The following ZW10 variants were observed in gnomAD, a reference collection of about 807,000 sequenced individuals.
ZW10 encodes zw10 kinetochore protein.
In ZW10, 53 loss-of-function variants were observed where a neutral mutation model predicts 87.8. The ratio of observed to expected loss-of-function variants is 0.60; its 90% CI spans 0.48 to 0.76. The LOEUF (loss-of-function observed/expected upper bound fraction) is 0.76, where lower values mean the gene tolerates loss of function less well. Ranked by LOEUF, ZW10 falls within the 30% of genes least tolerant of loss-of-function variation. ZW10 has a pLI of 0.00. For missense variants in ZW10, 837 were observed against 923.0 expected, an observed-to-expected ratio of 0.91 and a Z score of 1.21; for synonymous variants, 312 against 329.2, an observed-to-expected ratio of 0.95 and a Z score of 0.57.
intron 7 of ZW10, among the ~76,000 whole-genome samples, chr11:113,751,922 G>A (rs909161824): frequency 2.0e-5 from 3 of 151,296 alleles, no homozygotes; most frequent in East Asian, 1.9e-4. Flanking sequence ...ACTCCATCAC[G>A]TGATAGATAC....
intron 2 of ZW10, among the ~76,000 whole-genome samples, chr11:113,764,404 T>C (rs908414053): frequency 3.3e-5 from 5 of 152,220 alleles, no homozygotes; most frequent in Admixed American, 2.0e-4. Flanking sequence ...GGAATGTCAA[T>C]GGTAGTTTGA....
At position 113,748,340 on chromosome 11, in the gene ZW10, C is replaced by G; in HGVS notation, c.1006G>C (p.Glu336Gln). Reference sequence around the variant, plus strand: ...TTGATGAGGCACTCAGACAAGTCCTCCCAGATCATGTCTCCAAGCATCTCA... The same window carrying G: ...TTGATGAGGCACTCAGACAAGTCCTGCCAGATCATGTCTCCAAGCATCTCA... ...LAEMLGDMIW[E>Q]DLSECLIKNC... Residue 336 changes from glutamate to glutamine, a missense_variant, in exon 8 of 16, where the codon GAG becomes CAG. By Grantham distance (29) the Glu-to-Gln change is conservative. Transcript: ENST00000200135. The G allele has an allele frequency of 6.2e-7, 1 of 1,613,786 alleles. No individual in the cohort carries two copies. The highest frequency in any genetic ancestry group is 8.5e-7 in the Non-Finnish European group (1 of 1,179,838).
Position 113,736,783 on chromosome 11 carries a change from A to C in ZW10, c.2056T>G (p.Cys686Gly). 2 of 1,614,182 alleles carry C rather than the reference A, an allele frequency of 1.2e-6. No homozygotes were observed. The highest frequency in any genetic ancestry group is 1.7e-6 in the Non-Finnish European group (2 of 1,180,032). Residue 686 changes from cysteine to glycine, a missense_variant, in exon 15 of 16, where the codon TGC (cysteine) becomes GGC (glycine). Transcript: ENST00000200135. ...TEDGDRLYSL[C>G]KTVMDEGPQV... The stretch of plus-strand genomic sequence containing the variant: ...GGTCCTTCATCCATCACTGTTTTGC[A>C]TAAGGAATATAACCTATCACCATCT...
chr11:113,733,571 C>A lies in ZW10; in HGVS notation c.*123G>T. On this transcript the variant is annotated 3_prime_UTR_variant, in exon 16 of 16. Transcript: ENST00000200135. ...GAGGTAAGACGTTCTTCTGTAAAGT[C>A]AAACTTCCAAGATGTACTGGTTCAC... is the stretch of plus-strand genomic sequence containing the variant. 1 of 1,371,080 alleles carries A rather than the reference C, an allele frequency of 7.3e-7. No individual in the cohort carries two copies. Among genetic ancestry groups the A allele is most frequent in the South Asian group, 1.3e-5 (1 of 79,934 alleles). 84.9% of individuals were successfully genotyped at this position (1,371,080 alleles called of 1,614,324 possible).
intron 8 of ZW10, 42 bp downstream of exon 8, chr11:113,748,215 C>A: frequency 6.5e-7 from 1 of 1,527,606 alleles, no homozygotes; most frequent in South Asian, 1.3e-5. Flanking sequence ...CAATAAGAAA[C>A]AACAGTGTCT....
chr11:113,738,168 A>G (rs1259856772), intron 13 of ZW10, 96 bp downstream of exon 13: 1 of 1,364,220 alleles, frequency 7.3e-7, no homozygotes, highest in Non-Finnish European at 9.8e-7. Flanking sequence ...TCAACTGAAT[A>G]CTTGTTACAT....
Position 113,737,634 on chromosome 11 carries a change from C to A in ZW10, c.1954G>T (p.Ala652Ser), listed in dbSNP as rs1953568299. The A allele has an allele frequency of 1.2e-6, 2 of 1,613,538 alleles. No homozygotes were observed. The highest frequency in any genetic ancestry group is 3.3e-5 in the Admixed American group (2 of 59,990). The change falls in exon 14 of 16, where the codon GCT (alanine) becomes TCT (serine). Residue 652 changes from alanine to serine, a missense_variant. Coordinates refer to ENST00000200135, the MANE Select transcript of ZW10 (RefSeq NM_004724.4). ...DVLPVNIYCKAMGTLLNTAIS... is the reference protein window; with the variant it reads ...DVLPVNIYCKSMGTLLNTAIS... ...GCTGTATTGAGTAAAGTCCCCATAG[C>A]CTTGCAATATATATTCACTGGCAGG...
At chr11:113,757,261 A>C (rs908213526) in intron 7 of ZW10, among the ~76,000 whole-genome samples, 21 of 152,364 alleles carry the variant, frequency 1.4e-4, no homozygotes, top group Non-Finnish European at 2.5e-4. Context: ...CCTATGTTAA[A>C]CTAAGTTTGG....
chr11:113,755,401 G>A (rs950312253), intron 7 of ZW10, among the ~76,000 whole-genome samples: 9 of 152,194 alleles, frequency 5.9e-5, no homozygotes, highest in Admixed American at 5.9e-4. Context: ...AATGGCAAGA[G>A]AGCTAGAATC....
intron 1 of ZW10, chr11:113,771,337 G>C (rs1339639342): frequency 6.6e-6 from 1 of 152,296 alleles, no homozygotes; most frequent in Non-Finnish European, 1.5e-5. Flanking sequence ...GCTGAGGAAA[G>C]AAGACAGAAG....
At chr11:113,750,394 C>T (rs1953722788) in intron 7 of ZW10, among the ~76,000 whole-genome samples, 1 of 151,914 alleles carries the variant, frequency 6.6e-6, no homozygotes, top group African/African-American at 2.4e-5. Context: ...ACCTCCGCCT[C>T]CTGGGTTCAA....
rs555622256 is a variant in ZW10 at position 113,741,917 on chromosome 11, C to A, written c.1512-152G>T. 1,294 of 551,584 alleles carry A rather than the reference C, an allele frequency of 2.3e-3. 2 individuals are homozygous for A. Among genetic ancestry groups the A allele is most frequent in the Non-Finnish European group, 3.7e-3 (1,149 of 313,424 alleles). The allele number at this position is 551,584 out of a possible 1,614,324, so 34.2% of individuals were successfully genotyped here. A position where few individuals can be genotyped will look rare whatever the true frequency, so the allele number is the denominator to read the frequency against. ...TTGGTTGCTGGAAAACACCATTAATCTAGATGGAAATATAGTCTCAACCAG... is the reference window on the plus strand; with the variant it reads ...TTGGTTGCTGGAAAACACCATTAATATAGATGGAAATATAGTCTCAACCAG... On this transcript the variant is annotated intron_variant, in intron 10 of 15. Transcript: ENST00000200135.
chr11:113,737,134 C>G (rs1953563016), intron 14 of ZW10, among the ~76,000 whole-genome samples: 1 of 152,172 alleles, frequency 6.6e-6, no homozygotes, highest in South Asian at 2.1e-4. Flanking sequence ...TTTAGTCAAT[C>G]TATGATTTAG....
At chr11:113,769,878 G>T in intron 1 of ZW10, 2 of 326,702 alleles carry the variant, frequency 6.1e-6, no homozygotes. Context: ...CTGATGATGT[G>T]CCCATCCACC....
rs373814579 is a variant in ZW10, at chr11:113,743,909, G to A, written c.1404C>T (p.Asp468=). Residue 468 remains aspartate, a synonymous_variant, in exon 10 of 16, where the codon GAC becomes GAT. Coordinates refer to ENST00000200135, the MANE Select transcript of ZW10 (RefSeq NM_004724.4). ...ATGTGGGCAAGGAAAAGGAATGTTG[G>A]TCCAATGTATTTTCAGGCTCTAAAT... ...VMNLEPENTL[D]QHSFSLPTCR... 2 of 1,614,000 alleles carry A rather than the reference G, an allele frequency of 1.2e-6. No individual in the cohort carries two copies. The highest frequency in any genetic ancestry group is 1.7e-6 in the Non-Finnish European group (2 of 1,180,026).
intron 12 of ZW10, among the ~76,000 whole-genome samples, chr11:113,739,007 A>G (rs908787321): frequency 1.2e-4 from 19 of 152,182 alleles, no homozygotes; most frequent in Non-Finnish European, 1.5e-5. Context: ...CATGTTACAA[A>G]AAAGTAAAAA....
At position 113,738,284 on chromosome 11, in the gene ZW10, C is replaced by T. The variant is rs1286798085; in HGVS notation, c.1864G>A (p.Ala622Thr). 1.4e-5 allele frequency: 22 copies of T among 1,611,170 alleles called. No individual in the cohort carries two copies. Among genetic ancestry groups the T allele is most frequent in the Non-Finnish European group, 1.9e-5 (22 of 1,178,780 alleles). Residue 622 changes from alanine (A) to threonine (T), a missense_variant, in exon 13 of 16, where the codon GCA becomes ACA. Transcript: ENST00000200135. ...NMDDEENYSAASKAVRQVLHQ... is the reference protein window; with the variant it reads ...NMDDEENYSATSKAVRQVLHQ... ...CCTACCTGCCGGACTGCTTTACTTG[C>T]TGCAGAATAATTCTCTTCATCGTCC...
rs779994949 is a variant in ZW10 at position 113,739,328 on chromosome 11, C to T, written c.1638G>A (p.Met546Ile). The T allele has an allele frequency of 6.8e-6, 11 of 1,611,860 alleles. No homozygotes were observed. Among genetic ancestry groups the T allele is most frequent in the Admixed American group, 5.0e-5 (3 of 59,724 alleles). ...GGGTCAGCAAGTGGTGAGCAATGTA[C>T]ATACAGTTGTTGTGATGAATAGCAG... Reference protein sequence around the residue: ...QLAAIHHNNCMYIAHHLLTLG... With the variant: ...QLAAIHHNNCIYIAHHLLTLG... The change falls in exon 12 of 16, where the codon ATG becomes ATA. Residue 546 changes from methionine (M) to isoleucine (I), a missense_variant. Coordinates refer to ENST00000200135, the MANE Select transcript of ZW10 (RefSeq NM_004724.4).
At chr11:113,754,056 C>A (rs1016330397) in intron 7 of ZW10, among the ~76,000 whole-genome samples, 2 of 130,160 alleles carry the variant, frequency 1.5e-5, no homozygotes, top group African/African-American at 5.0e-5. Flanking sequence ...GAAGAATATG[C>A]CATCTTGAAC....
Sources: gnomAD v4.1 joint callset for allele counts (sites outside exome capture counted in the v4.1 genomes callset) on GRCh38, gnomAD v4.1.1 for gene constraint, MANE v1.5 for transcripts, NCBI Gene and HGNC (gene_info 2026-07-23, HGNC 2026-07-21) for gene names.